ENG: variants seen among roughly 807,000 people sequenced by gnomAD.
ENG encodes CD105 antigen.
In ENG, 17 loss-of-function variants were observed where a neutral mutation model predicts 71.0. That is an observed-to-expected ratio of 0.24 (90% CI 0.16 to 0.36). The LOEUF (loss-of-function observed/expected upper bound fraction) is 0.36, where lower values mean the gene tolerates loss of function less well. ENG is among the 10% of genes least tolerant of loss of function. The pLI is 1.00. For synonymous variants in ENG, 360 were observed against 366.9 expected, an observed-to-expected ratio of 0.98 and a Z score of 0.21; for missense variants, 749 against 868.3, an observed-to-expected ratio of 0.86 and a Z score of 1.73.
At chr9:127,816,882 T>C in intron 13 of ENG, 1 of 558,808 alleles carries the variant, frequency 1.8e-6, no homozygotes, top group South Asian at 2.0e-5. Context: ...GGGGATGGAG[T>C]GGAGCCGTGA....
chr9:127,823,273 G>A (rs1342097792), intron 8 of ENG, among the ~76,000 whole-genome samples: 1 of 148,402 alleles, frequency 6.7e-6, no homozygotes, highest in South Asian at 2.1e-4. Context: ...AGCCTCCCAA[G>A]TAGCTGGGAC....
Position 127,846,602 on chromosome 9 carries a change from C to T in ENG, c.68-3357G>A, listed in dbSNP as rs1429753276. Among the ~76,000 whole-genome samples, 8 of 152,290 alleles carry T rather than the reference C, an allele frequency of 5.3e-5. No individual in the cohort carries two copies. The highest frequency in any genetic ancestry group is 2.6e-4 in the Admixed American group (4 of 15,298). On this transcript the variant is annotated intron_variant, in intron 1 of 14. Coordinates refer to ENST00000373203, the MANE Select transcript of ENG (RefSeq NM_001114753.3). The surrounding 1 kb of genome is among the most constrained non-coding windows in gnomAD (Gnocchi z 5.5). The stretch of plus-strand genomic sequence containing the variant: ...TGTAATGATCAGATAACAGGCCTGG[C>T]GGGGAGATCAGATAAGAGGTCCATT...
At position 127,816,014 on chromosome 9, in the gene ENG, C is replaced by T. The variant is rs868296721; in HGVS notation, c.1781G>A (p.Gly594Asp). The T allele has an allele frequency of 6.2e-7, 1 of 1,610,848 alleles. No individual in the cohort carries two copies. Among genetic ancestry groups the T allele is most frequent in the Non-Finnish European group, 8.5e-7 (1 of 1,179,100 alleles). The change falls in exon 14 of 15, where the codon GGC (glycine) becomes GAC (aspartate). Residue 594 changes from glycine (G) to aspartate (D), a missense_variant. Transcript: ENST00000373203. Reference sequence around the variant, plus strand: ...GATGAGGAAGGCACCAAAGGTGATGCCCAGCACGGCGGGCAGGACGAGGCC... The same window carrying T: ...GATGAGGAAGGCACCAAAGGTGATGTCCAGCACGGCGGGCAGGACGAGGCC... ...SKGLVLPAVLGITFGAFLIGA... is the reference protein window; with the variant it reads ...SKGLVLPAVLDITFGAFLIGA...
In ENG at chr9:127,849,962, A is replaced by G. The variant is rs574934488; in HGVS notation, c.67+4327T>C. Among the ~76,000 whole-genome samples the G allele has an allele frequency of 3.9e-5, 6 of 152,362 alleles. No individual in the cohort carries two copies. In the South Asian group the frequency reaches 1.2e-3, roughly 32 times the overall value. Reference sequence around the variant, plus strand: ...ACAGTACACATACCACGCTTAGAGCAGCGTCTAGCATACTGTAAGTGCTGA... The same window carrying G: ...ACAGTACACATACCACGCTTAGAGCGGCGTCTAGCATACTGTAAGTGCTGA... On this transcript the variant is annotated intron_variant, in intron 1 of 14. Coordinates refer to ENST00000373203, the MANE Select transcript of ENG (RefSeq NM_001114753.3).
intron 11 of ENG, 159 bp from the exon 12 acceptor site, chr9:127,818,536 G>A: frequency 7.1e-7 from 1 of 1,415,396 alleles, no homozygotes; most frequent in Non-Finnish European, 9.8e-7. Flanking sequence ...GGAGGACAGG[G>A]CCACATCCTT....
intron 8 of ENG, among the ~76,000 whole-genome samples, chr9:127,823,384 T>C (rs1383118180): frequency 6.9e-5 from 10 of 145,334 alleles, no homozygotes; most frequent in Non-Finnish European, 1.5e-4. Flanking sequence ...GATCATATTG[T>C]ATAGGCTTTT....
Position 127,854,393 on chromosome 9 carries a change from T to C in ENG, c.-38A>G. 6.4e-7 allele frequency: 1 copy of C among 1,550,478 alleles called. No homozygotes were observed. The highest frequency in any genetic ancestry group is 1.4e-5 in the African/African-American group (1 of 73,020). On this transcript the variant is annotated 5_prime_UTR_variant, in exon 1 of 15. Coordinates refer to ENST00000373203, the MANE Select transcript of ENG (RefSeq NM_001114753.3). ...GGGGCCTGTGCGCTGGGCCTTATCCTGTGTCCAGTGGCAGGGCTGCGGGCG... is the reference window on the plus strand; with the variant it reads ...GGGGCCTGTGCGCTGGGCCTTATCCCGTGTCCAGTGGCAGGGCTGCGGGCG...
rs1433493034 is a variant in ENG at position 127,850,087 on chromosome 9, A to G, written c.67+4202T>C. Among the ~76,000 whole-genome samples the G allele has an allele frequency of 2.6e-5, 4 of 152,166 alleles. No individual in the cohort carries two copies. In the East Asian group the frequency reaches 7.7e-4, roughly 29 times the overall value. ...TGGCTGAGGGTCCCTTCAGCCTCCA[A>G]GGCTGGTGCCCCAAAGCCTGGGCTG... is the stretch of plus-strand genomic sequence containing the variant. On this transcript the variant is annotated intron_variant, in intron 1 of 14. Transcript: ENST00000373203.
chr9:127,840,370 C>T (rs1053931593), intron 2 of ENG, among the ~76,000 whole-genome samples: 2 of 152,068 alleles, frequency 1.3e-5, no homozygotes, highest in African/African-American at 2.4e-5. Context: ...CCGAGGTGGG[C>T]GGATTATTTG....
At position 127,819,903 on chromosome 9, in the gene ENG, A is replaced by G. The variant is rs1830431497; in HGVS notation, c.1269T>C (p.Asn423=). The G allele has an allele frequency of 6.2e-7, 1 of 1,614,086 alleles. No individual in the cohort carries two copies. Among genetic ancestry groups the G allele is most frequent in the Non-Finnish European group, 8.5e-7 (1 of 1,180,042 alleles). The change falls in exon 9 of 15, where the codon AAT becomes AAC. Residue 423 remains asparagine, a synonymous_variant. Transcript: ENST00000373203. ...GMQVSASMIS[N]EAVVNILSSS... ...CCTTTTTGGCCCCAGCTCTTACCTC[A>G]TTGCTGATCATACTTGCTGACACCT...
rs188894320 is a variant in ENG, at chr9:127,825,053, G to T, written c.817-79C>A. ...AGCAGGCCAGCCAGGGTTATGCCAG[G>T]CCTCGGTCCTGCTGTGTCCCCACTC... On this transcript the variant is annotated intron_variant, in intron 6 of 14. Transcript: ENST00000373203. The T allele has an allele frequency of 3.0e-3, 4,751 of 1,587,296 alleles. 12 individuals are homozygous for T. Among genetic ancestry groups the T allele is most frequent in the Non-Finnish European group, 3.7e-3 (4,302 of 1,165,114 alleles).
chr9:127,852,347 TAGG>T (rs1391487505), intron 1 of ENG, among the ~76,000 whole-genome samples: 1 of 152,196 alleles, frequency 6.6e-6, no homozygotes, highest in Non-Finnish European at 1.5e-5. Context: ...GACCCATTTC[TAGG>T]AGGTCAGGGT....
Position 127,825,317 on chromosome 9 carries a change from G to T in ENG, c.730C>A (p.Pro244Thr). 6.2e-7 allele frequency: 1 copy of T among 1,611,362 alleles called. No individual in the cohort carries two copies. Among genetic ancestry groups the T allele is most frequent in the Non-Finnish European group, 8.5e-7 (1 of 1,179,576 alleles). Residue 244 changes from proline (P) to threonine (T), a missense_variant, in exon 6 of 15, where the codon CCC becomes ACC. By Grantham distance (38) the Pro-to-Thr change is conservative. Transcript: ENST00000373203. The part of the protein sequence containing the change: ...VTVKVELSCA[P>T]GDLDAVLILQ... ...ATGAGGACGGCATCGAGATCCCCGG[G>T]TGCGCAGCTCAGTTCCACCTTCACC...
Position 127,824,293 on chromosome 9 carries a change from A to G in ENG, c.1134+11T>C. On this transcript the variant is annotated intron_variant, in intron 8 of 14. Transcript: ENST00000373203. ...TGTCATCCTGAGCCAGAGGGGCAGG[A>G]GTTCCCTTACCGCAACAAGCTCTTT... 6.2e-7 allele frequency: 1 copy of G among 1,614,010 alleles called. No individual in the cohort carries two copies. Among genetic ancestry groups the G allele is most frequent in the Non-Finnish European group, 8.5e-7 (1 of 1,179,946 alleles).
rs11789912 is a variant in ENG at position 127,843,460 on chromosome 9, A to G, written c.68-215T>C. Among the ~76,000 whole-genome samples the G allele has an allele frequency of 0.037, 5,621 of 151,998 alleles. 179 individuals are homozygous for G. Among genetic ancestry groups the G allele is most frequent in the African/African-American group, 0.076 (3,149 of 41,434 alleles). ...GTCTCCTGCCCAAGGTCACAGCGCT[A>G]CTACGTATAGGGTCGATGAATAGAA... On this transcript the variant is annotated intron_variant, in intron 1 of 14. Transcript: ENST00000373203.
At chr9:127,825,610 A>C (rs1304327565) in intron 5 of ENG, 85 bp downstream of exon 5, 3 of 1,102,174 alleles carry the variant, frequency 2.7e-6, no homozygotes, top group Admixed American at 3.6e-5. Context: ...GGGGCTTTAT[A>C]AGGGACCGGA....
At chr9:127,844,339 C>G (rs1831120163) in intron 1 of ENG, among the ~76,000 whole-genome samples, 2 of 150,910 alleles carry the variant, frequency 1.3e-5, no homozygotes, top group Non-Finnish European at 3.0e-5. Context: ...GTTGGTCAGG[C>G]TCGTCTTGAA....
At chr9:127,842,808 A>G (rs1332194501) in intron 2 of ENG, among the ~76,000 whole-genome samples, 1 of 151,084 alleles carries the variant, frequency 6.6e-6, no homozygotes, top group Admixed American at 6.6e-5. Context: ...TTGGAGGTGC[A>G]TAAGCAACAC....
chr9:127,854,269 C>T lies in ENG; in HGVS notation c.67+20G>A. On this transcript the variant is annotated intron_variant, in intron 1 of 14. Coordinates refer to ENST00000373203, the MANE Select transcript of ENG (RefSeq NM_001114753.3). ...GCACCGGAGGCCGAGTCTCCCCACC[C>T]TGGGTCCCTGGACACCTACTTGTGG... 6.4e-7 allele frequency: 1 copy of T among 1,572,592 alleles called. No homozygotes were observed. Among genetic ancestry groups the T allele is most frequent in the Non-Finnish European group, 8.6e-7 (1 of 1,159,624 alleles).
Sources: allele counts gnomAD v4.1 joint callset (sites outside exome capture counted in the v4.1 genomes callset), GRCh38; gene constraint gnomAD v4.1.1; non-coding constraint Gnocchi (gnomAD v3.1); transcripts MANE v1.5; gene names NCBI Gene and HGNC (gene_info 2026-07-23, HGNC 2026-07-21).